Variants in TMEM40 observed in about 807,000 individuals in gnomAD.
The protein encoded by TMEM40 is transmembrane protein 40.
TMEM40 carries 34 observed loss-of-function variants against 40.8 expected under a neutral mutation model. That is an observed-to-expected ratio of 0.83 (90% CI 0.63 to 1.11). The LOEUF (loss-of-function observed/expected upper bound fraction) is 1.11. TMEM40 is among the 50% of genes least tolerant of loss of function. TMEM40 has a pLI of 0.00. For missense variants in TMEM40, 296 were observed against 280.2 expected (o/e 1.06, Z -0.40); for synonymous variants, 106 against 107.0 (o/e 0.99, Z 0.06).
intron 1 of TMEM40, among the ~76,000 whole-genome samples, chr3:12,755,266 T>TCTTTCTTTCTTTCTTC (rs2061517985): frequency 8.2e-6 from 1 of 122,414 alleles, no homozygotes; most frequent in African/African-American, 4.0e-5. Context: ...TTTCTTTCTT[T>TCTTTCTTTCTTTCTTC]CTTTCTTTCT....
At position 12,736,972 on chromosome 3, in the gene TMEM40, G is replaced by C. The variant is rs2061342801; in HGVS notation, c.473-137C>G. The C allele has an allele frequency of 5.4e-6, 6 of 1,101,550 alleles. No individual in the cohort carries two copies. In the South Asian group the frequency reaches 6.8e-5, roughly 12 times the overall value. 68.2% of individuals were successfully genotyped at this position (1,101,550 alleles called of 1,614,324 possible). On this transcript the variant is annotated intron_variant, in intron 8 of 11. Transcript: ENST00000314124. Reference sequence around the variant, plus strand: ...CAGCTCATTGCAGCCTTGAAGTCCTGGGCTTAAGCAATTCTCCTGCTTTAG... The same window carrying C: ...CAGCTCATTGCAGCCTTGAAGTCCTCGGCTTAAGCAATTCTCCTGCTTTAG...
At position 12,740,375 on chromosome 3, in the gene TMEM40, C is replaced by G. The variant is rs961000126; in HGVS notation, c.356-1787G>C. ...AAAGTGCTGGGATTACAGGCATGAG[C>G]CACAGCGCCTGGCCACACAATCATA... is the stretch of plus-strand genomic sequence containing the variant. On this transcript the variant is annotated intron_variant, in intron 5 of 11. Coordinates refer to ENST00000314124, the MANE Select transcript of TMEM40 (RefSeq NM_018306.4). Among the ~76,000 whole-genome samples, 14 of 151,578 alleles carry G rather than the reference C, an allele frequency of 9.2e-5. No individual in the cohort carries two copies. The South Asian group carries it at 2.9e-3, about 32-fold the overall frequency.
intron 3 of TMEM40, among the ~76,000 whole-genome samples, chr3:12,748,412 A>G (rs1416163899): frequency 6.6e-6 from 1 of 152,228 alleles, no homozygotes; most frequent in Non-Finnish European, 1.5e-5. Context: ...GCGATATTAC[A>G]GAACAACATG....
At chr3:12,738,901 T>C (rs1242861742) in intron 5 of TMEM40, 1 of 320,320 alleles carries the variant, frequency 3.1e-6, no homozygotes, top group Non-Finnish European at 6.1e-6. Flanking sequence ...ATGCCTGTAA[T>C]ACCAGCACTT....
At chr3:12,742,345 C>A in intron 5 of TMEM40, 109 bp downstream of exon 5, 5 of 1,325,478 alleles carry the variant, frequency 3.8e-6, no homozygotes, top group Non-Finnish European at 5.3e-6. Flanking sequence ...CTGTATTTGG[C>A]TGGGACTTTT....
At position 12,764,576 on chromosome 3, in the gene TMEM40, G is replaced by C. The variant is rs1421938793; in HGVS notation, c.-9+4675C>G. Among the ~76,000 whole-genome samples, 6 of 152,354 alleles carry C rather than the reference G, an allele frequency of 3.9e-5. No homozygotes were observed. In the South Asian group the frequency reaches 6.2e-4, roughly 16 times the overall value. On this transcript the variant is annotated intron_variant, in intron 1 of 11. Transcript: ENST00000264728. ...TGCAATCTATGGTCTTAGAGAAACAGTGGCCGTAGCTGATGCCATTTGAGA... is the reference window on the plus strand; with the variant it reads ...TGCAATCTATGGTCTTAGAGAAACACTGGCCGTAGCTGATGCCATTTGAGA...
At chr3:12,762,457 T>C (rs1418000998), upstream of TMEM40, among the ~76,000 whole-genome samples, 1 of 152,180 alleles carries the variant, frequency 6.6e-6, no homozygotes, top group East Asian at 1.9e-4. Context: ...GGTCTAATTA[T>C]AAGTCTGTCT....
intron 11 of TMEM40, among the ~76,000 whole-genome samples, chr3:12,735,081 C>T (rs897242181): frequency 6.6e-6 from 1 of 152,190 alleles, no homozygotes. Flanking sequence ...GATGTGCTTT[C>T]GCCCAGCCCA....
intron 1 of TMEM40, among the ~76,000 whole-genome samples, chr3:12,768,273 A>T (rs968219521): frequency 6.6e-6 from 1 of 152,134 alleles, no homozygotes; most frequent in Non-Finnish European, 1.5e-5. Flanking sequence ...AACTACATAA[A>T]GCCAGCGTGG....
chr3:12,741,792 G>GGAAA (rs966899605), intron 5 of TMEM40, among the ~76,000 whole-genome samples: 15 of 150,504 alleles, frequency 1.0e-4, no homozygotes, highest in Admixed American at 2.6e-4. Context: ...AAAGAAAGAA[G>GGAAA]GAAAGAAAGA....
intron 1 of TMEM40, among the ~76,000 whole-genome samples, chr3:12,754,120 G>A (rs2061500030): frequency 6.6e-6 from 1 of 152,176 alleles, no homozygotes. Flanking sequence ...AGACCATCCT[G>A]GCTAACACGG....
At position 12,758,777 on chromosome 3, in the gene TMEM40, G is replaced by A. The variant is rs1437111429; in HGVS notation, c.-9+414C>T. 3.9e-5 allele frequency among the ~76,000 whole-genome samples: 6 copies of A among 152,128 alleles called. No homozygotes were observed. The South Asian group carries it at 1.2e-3, about 32-fold the overall frequency. Reference sequence around the variant, plus strand: ...GGTGCAGAGGCTGAGACATTTGCGGGAACACCCCTCCCCTCCTAAGCTGTT... The same window carrying A: ...GGTGCAGAGGCTGAGACATTTGCGGAAACACCCCTCCCCTCCTAAGCTGTT... On this transcript the variant is annotated intron_variant, in intron 1 of 11. Transcript: ENST00000314124.
Position 12,749,843 on chromosome 3 carries a change from G to A in TMEM40, c.-8-3C>T, listed in dbSNP as rs903700469. ...TGCTGAAGTCTCCATGGCTTTTCCT[G>A]GAGGAATAACAATAATCAGTAGTTA... On this transcript the variant is annotated splice_region_variant and splice_polypyrimidine_tract_variant and intron_variant, in intron 1 of 11. Coordinates refer to ENST00000314124, the MANE Select transcript of TMEM40 (RefSeq NM_018306.4). The A allele has an allele frequency of 3.7e-6, 6 of 1,613,106 alleles. No individual in the cohort carries two copies. The highest frequency in any genetic ancestry group is 5.1e-6 in the Non-Finnish European group (6 of 1,179,660).
chr3:12,734,874 G>A (rs1475639335), intron 11 of TMEM40, 81 bp from the exon 12 acceptor site: 1 of 1,511,978 alleles, frequency 6.6e-7, no homozygotes, highest in African/African-American at 1.4e-5. Context: ...AGATGCCCAA[G>A]TACCCCTCAC....
At chr3:12,763,445 G>A (rs1233009770), upstream of TMEM40, among the ~76,000 whole-genome samples, 4 of 152,190 alleles carry the variant, frequency 2.6e-5, no homozygotes, top group Non-Finnish European at 5.9e-5. Flanking sequence ...ACTCCATCCT[G>A]AGGTGACCTC....
At chr3:12,764,422 C>T (rs1460237093) in intron 1 of TMEM40, among the ~76,000 whole-genome samples, 1 of 152,182 alleles carries the variant, frequency 6.6e-6, no homozygotes, top group Non-Finnish European at 1.5e-5. Flanking sequence ...GTCTCCCTGA[C>T]TGGAAACCTG....
chr3:12,748,214 G>T (rs1361451834), intron 3 of TMEM40, among the ~76,000 whole-genome samples: 1 of 152,176 alleles, frequency 6.6e-6, no homozygotes, highest in African/African-American at 2.4e-5. Flanking sequence ...CTAGATGAGG[G>T]CACTGAGGCG....
At chr3:12,753,431 C>T (rs1411331198) in intron 1 of TMEM40, among the ~76,000 whole-genome samples, 2 of 151,652 alleles carry the variant, frequency 1.3e-5, no homozygotes, top group Admixed American at 6.6e-5. Flanking sequence ...ACTATGTTGC[C>T]CAGGCTGCTC....
At chr3:12,738,427 A>C in intron 6 of TMEM40, 126 bp downstream of exon 6, 1 of 1,155,470 alleles carries the variant, frequency 8.7e-7, no homozygotes, top group Non-Finnish European at 1.3e-6. Flanking sequence ...GGCTAAGTGG[A>C]CCTGGGGCTC....
Sources: gnomAD v4.1 joint callset for allele counts (sites outside exome capture counted in the v4.1 genomes callset) on GRCh38, gnomAD v4.1.1 for gene constraint, MANE v1.5 for transcripts, NCBI Gene and HGNC (gene_info 2026-07-23, HGNC 2026-07-21) for gene names.